The following FAM76A variants were observed in gnomAD, a reference collection of about 807,000 sequenced individuals.
The protein encoded by FAM76A is family with sequence similarity 76 member A.
In FAM76A, 32 loss-of-function variants were observed where a neutral mutation model predicts 46.2. The ratio of observed to expected loss-of-function variants is 0.69; its 90% confidence interval spans 0.52 to 0.93. The LOEUF is 0.93. Among genes scored for constraint, FAM76A ranks in the 40% least tolerant of loss-of-function variants. The pLI is 0.00. For missense variants in FAM76A, 274 were observed against 361.5 expected (o/e 0.76, Z 1.96); for synonymous variants, 137 against 127.0 (o/e 1.08, Z -0.53).
intron 4 of FAM76A, among the ~76,000 whole-genome samples, chr1:27,734,408 G>T (rs528240457): frequency 6.6e-6 from 1 of 152,038 alleles, no homozygotes; most frequent in Non-Finnish European, 1.5e-5. Flanking sequence ...TTAGCCAGGC[G>T]TGGTGGCATG....
At chr1:27,727,947 A>G (rs1284587315) in intron 2 of FAM76A, among the ~76,000 whole-genome samples, 1 of 151,682 alleles carries the variant, frequency 6.6e-6, no homozygotes, top group African/African-American at 2.4e-5. Flanking sequence ...AGCTGAGATT[A>G]CAGGTGCCTG....
intron 7 of FAM76A, 87 bp downstream of exon 7, chr1:27,755,417 A>T: frequency 1.3e-6 from 2 of 1,514,080 alleles, no homozygotes; most frequent in Non-Finnish European, 1.8e-6. Flanking sequence ...TTTTTAACTG[A>T]TGTTTGTTGA....
intron 3 of FAM76A, among the ~76,000 whole-genome samples, chr1:27,733,158 C>G (rs1268762016): frequency 6.6e-6 from 1 of 152,146 alleles, no homozygotes; most frequent in Non-Finnish European, 1.5e-5. Context: ...TCTCGGACTC[C>G]TGAACTCAAG....
intron 2 of FAM76A, among the ~76,000 whole-genome samples, chr1:27,728,857 G>T (rs946060705): frequency 3.3e-5 from 5 of 151,986 alleles, no homozygotes; most frequent in African/African-American, 1.2e-4. Flanking sequence ...CCAGCTACTT[G>T]GGGGGCTGAG....
At chr1:27,745,556 A>G (rs2088228385) in intron 5 of FAM76A, among the ~76,000 whole-genome samples, 1 of 152,220 alleles carries the variant, frequency 6.6e-6, no homozygotes, top group African/African-American at 2.4e-5. Flanking sequence ...AGCTGAATAC[A>G]AGTCATGCTG....
intron 6 of FAM76A, 90 bp from the exon 7 acceptor site, chr1:27,755,105 C>T: frequency 1.4e-6 from 2 of 1,432,850 alleles, no homozygotes; most frequent in Non-Finnish European, 1.9e-6. Context: ...CCTTTAGGAG[C>T]TTGCAGACAA....
intron 4 of FAM76A, among the ~76,000 whole-genome samples, chr1:27,743,937 TAA>T (rs879256498): frequency 3.5e-5 from 5 of 142,926 alleles, no homozygotes; most frequent in African/African-American, 5.1e-5. Context: ...ATCCTATCAC[TAA>T]AAAAAAAAAA....
intron 3 of FAM76A, 35 bp from the exon 4 acceptor site, chr1:27,733,996 G>C (rs2088001822): frequency 6.3e-7 from 1 of 1,588,118 alleles, no homozygotes; most frequent in African/African-American, 1.4e-5. Context: ...TTTTATGAAA[G>C]TAATACTTAC....
chr1:27,745,091 C>T (rs1285258377), intron 5 of FAM76A, among the ~76,000 whole-genome samples: 1 of 152,220 alleles, frequency 6.6e-6, no homozygotes, highest in Non-Finnish European at 1.5e-5. Context: ...AGTGGATTCT[C>T]TCTCCAGAAA....
chr1:27,740,913 G>A (rs996760194), intron 4 of FAM76A, among the ~76,000 whole-genome samples: 3 of 152,070 alleles, frequency 2.0e-5, no homozygotes, highest in Non-Finnish European at 4.4e-5. Flanking sequence ...AGGATCACCT[G>A]AGGTCAGGAG....
At chr1:27,748,831 G>A (rs1017023555) in intron 5 of FAM76A, among the ~76,000 whole-genome samples, 3 of 152,048 alleles carry the variant, frequency 2.0e-5, no homozygotes, top group Non-Finnish European at 2.9e-5. Flanking sequence ...AATAAAGCAG[G>A]TAATATTTAA....
In FAM76A at chr1:27,726,282, G is replaced by T. The variant is rs964914474; in HGVS notation, c.81+121G>T. The T allele has an allele frequency of 1.5e-5, 14 of 910,210 alleles. No homozygotes were observed. In the African/African-American group the frequency reaches 1.9e-4, roughly 12 times the overall value. 56.4% of individuals were successfully genotyped at this position (910,210 alleles called of 1,614,324 possible). A position where few individuals can be genotyped will look rare whatever the true frequency, so the allele number is the denominator to read the frequency against. The stretch of plus-strand genomic sequence containing the variant: ...CAGGGTGTGGCAGGCCCGCCAGGCT[G>T]AGGAGCCGCACCCACCCCGCTGGGG... On this transcript the variant is annotated intron_variant, in intron 1 of 8. Coordinates refer to ENST00000373954, the MANE Select transcript of FAM76A (RefSeq NM_152660.3).
chr1:27,741,218 G>A (rs2088147429), intron 4 of FAM76A, among the ~76,000 whole-genome samples: 1 of 120,514 alleles, frequency 8.3e-6, no homozygotes, highest in Non-Finnish European at 1.6e-5. Context: ...TTTTTTTTGA[G>A]GCAGAGTCTC....
At chr1:27,740,447 A>G (rs2148574222) in intron 4 of FAM76A, 6 of 1,472,024 alleles carry the variant, frequency 4.1e-6, no homozygotes, top group East Asian at 4.6e-5. Context: ...CCCAGTTCCC[A>G]TCTTTGGATA....
At position 27,740,596 on chromosome 1, in the gene FAM76A, A is replaced by G. The variant is rs2088134900; in HGVS notation, c.355-4058A>G. The G allele has an allele frequency of 7.2e-6, 6 of 835,014 alleles. No homozygotes were observed. The Admixed American group carries it at 1.3e-4, about 18-fold the overall frequency. 51.7% of individuals were successfully genotyped at this position (835,014 alleles called of 1,614,324 possible). On this transcript the variant is annotated intron_variant, in intron 4 of 8. Transcript: ENST00000373954. ...TTGACTTGTTAAGAAATATATGTTC[A>G]GAAGCCACTCAAAAACATTCTCTTG... is the stretch of plus-strand genomic sequence containing the variant.
At chr1:27,752,893 C>T (rs191838255) in intron 6 of FAM76A, among the ~76,000 whole-genome samples, 36 of 152,298 alleles carry the variant, frequency 2.4e-4, no homozygotes, top group African/African-American at 8.4e-4. Context: ...GGCACGGTGG[C>T]TCACGCCTGT....
At chr1:27,740,463 T>C in intron 4 of FAM76A, 1 of 1,469,142 alleles carries the variant, frequency 6.8e-7, no homozygotes, top group Non-Finnish European at 9.5e-7. Flanking sequence ...GGATAAGAGG[T>C]CGATGGTGGA....
intron 4 of FAM76A, among the ~76,000 whole-genome samples, chr1:27,742,813 C>T (rs1486405785): frequency 2.0e-5 from 3 of 152,288 alleles, no homozygotes; most frequent in Middle Eastern, 3.4e-3. Context: ...GTAATCCCAG[C>T]GCTTTGGGAG....
chr1:27,759,444 G>A (rs1348427992), intron 7 of FAM76A, 82 bp from the exon 8 acceptor site: 4 of 810,086 alleles, frequency 4.9e-6, no homozygotes, highest in Non-Finnish European at 8.0e-6. Context: ...TCATTAATTT[G>A]GGTGACCATT....
Sources: gnomAD v4.1 joint callset for allele counts (sites outside exome capture counted in the v4.1 genomes callset) on GRCh38, gnomAD v4.1.1 for gene constraint, MANE v1.5 for transcripts, NCBI Gene and HGNC (gene_info 2026-07-23, HGNC 2026-07-21) for gene names.